The following CACNA2D3 variants were observed in gnomAD, a reference collection of about 807,000 sequenced individuals.
CACNA2D3 encodes the protein voltage-dependent calcium channel subunit alpha-2/delta-3.
Under a neutral mutation model 160.6 loss-of-function variants are expected in CACNA2D3, and 60 were observed. The ratio of observed to expected loss-of-function variants is 0.37; its 90% CI spans 0.30 to 0.46. The LOEUF (loss-of-function observed/expected upper bound fraction) is 0.46, where lower values mean the gene tolerates loss of function less well. Ranked by LOEUF, CACNA2D3 falls within the 20% of genes least tolerant of loss-of-function variation. CACNA2D3 has a pLI of 1.00. For synonymous variants in CACNA2D3, 558 were observed against 492.9 expected, an observed-to-expected ratio of 1.13 and a Z score of -1.75; for missense variants, 1,205 against 1,365.0, an observed-to-expected ratio of 0.88 and a Z score of 1.85.
chr3:54,550,491 G>A (rs1287948037), intron 5 of CACNA2D3, among the ~76,000 whole-genome samples: 1 of 152,196 alleles, frequency 6.6e-6, no homozygotes, highest in Non-Finnish European at 1.5e-5. Context: ...GGCGGTCAAG[G>A]ATACCACTTC....
At chr3:54,168,917 ATCT>A (rs1411888181) in intron 2 of CACNA2D3, among the ~76,000 whole-genome samples, 7 of 152,150 alleles carry the variant, frequency 4.6e-5, no homozygotes, top group African/African-American at 1.4e-4. Flanking sequence ...TGCGTGGAAG[ATCT>A]TCTGTGCACT....
At chr3:55,052,352 CATG>C (rs1309529463) in intron 35 of CACNA2D3, among the ~76,000 whole-genome samples, 3 of 151,772 alleles carry the variant, frequency 2.0e-5, no homozygotes, top group African/African-American at 4.8e-5. Context: ...TGATCCAAAA[CATG>C]ATCTAACTTT....
At chr3:54,688,938 C>T (rs1388028072) in intron 11 of CACNA2D3, among the ~76,000 whole-genome samples, 2 of 123,532 alleles carry the variant, frequency 1.6e-5, no homozygotes, top group Non-Finnish European at 3.1e-5. Context: ...GCTGAAATTG[C>T]ACCATTGCGC....
Position 54,752,752 on chromosome 3 carries a change from G to C in CACNA2D3, c.1246+75G>C, listed in dbSNP as rs927387101. ...CAGAATTAGGAATATTCATGAGAAA[G>C]TAGAGAGTTCTAATAATTCTAAGAT... On this transcript the variant is annotated intron_variant, in intron 12 of 37. Transcript: ENST00000474759. The C allele has an allele frequency of 1.4e-5, 14 of 1,022,764 alleles. No individual in the cohort carries two copies. In the Middle Eastern group the frequency reaches 6.1e-4, roughly 44 times the overall value. 63.4% of individuals were successfully genotyped at this position (1,022,764 alleles called of 1,614,324 possible).
intron 2 of CACNA2D3, among the ~76,000 whole-genome samples, chr3:54,254,239 A>T (rs4928023): frequency 0.51 from 77,602 of 151,920 alleles, 21,099 homozygotes; most frequent in African/African-American, 0.71. Flanking sequence ...GCCAGTGGTG[A>T]GTTTGATCTC....
At chr3:54,506,793 T>G (rs919978557) in intron 5 of CACNA2D3, among the ~76,000 whole-genome samples, 19 of 152,206 alleles carry the variant, frequency 1.2e-4, no homozygotes, top group Admixed American at 1.0e-3. Flanking sequence ...TTTCGGAGAC[T>G]TTGAAGATGA....
At chr3:54,768,969 C>T (rs897982100) in intron 13 of CACNA2D3, among the ~76,000 whole-genome samples, 2 of 152,182 alleles carry the variant, frequency 1.3e-5, no homozygotes, top group South Asian at 2.1e-4. Flanking sequence ...ACTGGGGAGT[C>T]TGTCTTCCTC....
At chr3:54,956,080 C>G (rs1701885058) in intron 27 of CACNA2D3, among the ~76,000 whole-genome samples, 1 of 152,192 alleles carries the variant, frequency 6.6e-6, no homozygotes, top group African/African-American at 2.4e-5. Context: ...TTCTCCCTCC[C>G]CTCCCTCCTC....
At chr3:54,934,884 A>G (rs1380097814) in intron 27 of CACNA2D3, among the ~76,000 whole-genome samples, 8 of 152,062 alleles carry the variant, frequency 5.3e-5, no homozygotes, top group Non-Finnish European at 1.2e-4. Flanking sequence ...GGCACACACC[A>G]CCACACCCCG....
intron 13 of CACNA2D3, among the ~76,000 whole-genome samples, chr3:54,806,409 G>A (rs531127217): frequency 7.2e-5 from 11 of 152,190 alleles, no homozygotes; most frequent in South Asian, 4.1e-4. Context: ...TACACCAATA[G>A]CGGACAAACA....
chr3:54,238,850 A>G (rs996400394), intron 2 of CACNA2D3, among the ~76,000 whole-genome samples: 2 of 152,182 alleles, frequency 1.3e-5, no homozygotes, highest in African/African-American at 4.8e-5. Flanking sequence ...GGGTCAAGGA[A>G]ATTAATTTGC....
intron 17 of CACNA2D3, among the ~76,000 whole-genome samples, chr3:54,868,159 A>G (rs1220843562): frequency 1.3e-5 from 2 of 152,200 alleles, no homozygotes; most frequent in Non-Finnish European, 2.9e-5. Context: ...TTGGCCTGTT[A>G]TATCTATGCA....
intron 4 of CACNA2D3, among the ~76,000 whole-genome samples, chr3:54,446,969 G>A (rs1411793425): frequency 3.9e-5 from 6 of 152,116 alleles, no homozygotes; most frequent in South Asian, 2.1e-4. Flanking sequence ...TCCCGGAGGC[G>A]GGTATCCTAG....
At chr3:54,776,210 A>T (rs1702421834) in intron 13 of CACNA2D3, among the ~76,000 whole-genome samples, 1 of 152,224 alleles carries the variant, frequency 6.6e-6, no homozygotes, top group Non-Finnish European at 1.5e-5. Flanking sequence ...GGCTATGGAT[A>T]ACATTTTCTA....
rs1312763374 is a variant in CACNA2D3 at position 54,898,540 on chromosome 3, C to A, written c.2369-1248C>A. ...TTTCTTTGTGCTTGTCTGCACCACA[C>A]TTTGTTGCTGAAAATATCAAGAGAC... On this transcript the variant is annotated intron_variant, in intron 26 of 37. Transcript: ENST00000474759. 2.0e-5 allele frequency among the ~76,000 whole-genome samples: 3 copies of A among 152,306 alleles called. No individual in the cohort carries two copies. In the East Asian group the frequency reaches 5.8e-4, roughly 29 times the overall value.
At chr3:54,708,797 C>T (rs1302669788) in intron 11 of CACNA2D3, among the ~76,000 whole-genome samples, 1 of 152,132 alleles carries the variant, frequency 6.6e-6, no homozygotes, top group African/African-American at 2.4e-5. Flanking sequence ...GTCTTTTAGG[C>T]ATTCATTTAT....
At chr3:54,437,814 A>G (rs1700082872) in intron 4 of CACNA2D3, among the ~76,000 whole-genome samples, 1 of 152,242 alleles carries the variant, frequency 6.6e-6, no homozygotes, top group African/African-American at 2.4e-5. Context: ...TAGGAAACCA[A>G]GTGGATGGTG....
intron 13 of CACNA2D3, among the ~76,000 whole-genome samples, chr3:54,779,500 G>A (rs773871760): frequency 2.6e-5 from 4 of 152,170 alleles, no homozygotes; most frequent in Non-Finnish European, 5.9e-5. Context: ...CCTTACAGTT[G>A]TACTTGTAAT....
At chr3:54,580,894 C>A (rs1413327804) in intron 8 of CACNA2D3, among the ~76,000 whole-genome samples, 2 of 152,150 alleles carry the variant, frequency 1.3e-5, no homozygotes, top group Admixed American at 1.3e-4. Flanking sequence ...AAGCAGGGGT[C>A]CCAGCATTGG....
Sources: allele counts gnomAD v4.1 joint callset (sites outside exome capture counted in the v4.1 genomes callset), GRCh38; gene constraint gnomAD v4.1.1; transcripts MANE v1.5; gene names NCBI Gene and HGNC (gene_info 2026-07-23, HGNC 2026-07-21).